The following PDE11A variants were observed in gnomAD, a reference collection of about 807,000 sequenced individuals.
The protein encoded by PDE11A is dual 3',5'-cyclic-AMP and -GMP phosphodiesterase 11A.
Under a neutral mutation model 100.5 loss-of-function variants are expected in PDE11A, and 100 were observed. That is an observed-to-expected ratio of 1.00 (90% CI 0.85 to 1.18). The LOEUF (loss-of-function observed/expected upper bound fraction) is 1.18. PDE11A is among the 50% of genes most tolerant of loss of function. The pLI is 0.00. For missense variants in PDE11A, 1,141 were observed against 1,152.6 expected (o/e 0.99, Z 0.15); for synonymous variants, 381 against 420.8 (o/e 0.91, Z 1.16).
At chr2:177,778,366 T>C (rs1335421343) in intron 9 of PDE11A, among the ~76,000 whole-genome samples, 2 of 152,146 alleles carry the variant, frequency 1.3e-5, no homozygotes, top group Non-Finnish European at 2.9e-5. Flanking sequence ...TGAAATGAGA[T>C]ATGGACCATT....
intron 12 of PDE11A, among the ~76,000 whole-genome samples, chr2:177,722,299 G>A (rs2081541639): frequency 6.6e-6 from 1 of 152,130 alleles, no homozygotes; most frequent in South Asian, 2.1e-4. Flanking sequence ...AAAATACCCA[G>A]CTCTGGCTGA....
In PDE11A at chr2:177,817,881, C is replaced by T; in HGVS notation, c.1621G>A (p.Asp541Asn). 1.3e-6 allele frequency: 2 copies of T among 1,539,560 alleles called. No individual in the cohort carries two copies. The highest frequency in any genetic ancestry group is 2.2e-5 in the South Asian group (2 of 89,504). The stretch of plus-strand genomic sequence containing the variant: ...ACCTCAAAAAGTCGTTGATCTGCAT[C>T]ATCAAAAGGTTTCCCATCAAGTCTG... ...LNRLDGKPFD[D>N]ADQRLFEAFV... The change falls in exon 8 of 20, where the codon GAT (aspartate) becomes AAT (asparagine). Residue 541 changes from aspartate (D) to asparagine (N), a missense_variant. Physicochemically the swap from Asp to Asn is conservative, Grantham distance 23. Coordinates refer to ENST00000286063, the MANE Select transcript of PDE11A (RefSeq NM_016953.4).
chr2:177,773,832 T>A (rs185325357), intron 9 of PDE11A, among the ~76,000 whole-genome samples: 51 of 152,334 alleles, frequency 3.3e-4, no homozygotes, highest in African/African-American at 1.2e-3. Flanking sequence ...GACTGGGCCC[T>A]ATTGCTAAAC....
chr2:177,677,087 A>C (rs2080787642), intron 16 of PDE11A, among the ~76,000 whole-genome samples: 1 of 152,220 alleles, frequency 6.6e-6, no homozygotes, highest in South Asian at 2.1e-4. Context: ...TATTTGTATC[A>C]TAATGTGGAT....
intron 2 of PDE11A, among the ~76,000 whole-genome samples, chr2:178,006,528 C>G (rs572333644): frequency 6.6e-6 from 1 of 152,058 alleles, no homozygotes; most frequent in Non-Finnish European, 1.5e-5. Context: ...AGCCATGACA[C>G]CATGGCAATA....
At chr2:177,835,514 G>A (rs761235068) in intron 6 of PDE11A, among the ~76,000 whole-genome samples, 8 of 152,180 alleles carry the variant, frequency 5.3e-5, no homozygotes, top group Non-Finnish European at 8.8e-5. Context: ...AGGTGACAGC[G>A]TGCTGGCAGC....
At position 177,727,948 on chromosome 2, in the gene PDE11A, T is replaced by C. The variant is rs186368693; in HGVS notation, c.1935+78A>G. On this transcript the variant is annotated intron_variant, in intron 11 of 19. Transcript: ENST00000286063. ...AGGGATTATCATCCCCATTTTGTATTTGGGAAACCAGTGGTTCAGAGTGGC... is the reference window on the plus strand; with the variant it reads ...AGGGATTATCATCCCCATTTTGTATCTGGGAAACCAGTGGTTCAGAGTGGC... 3.6e-3 allele frequency: 4,711 copies of C among 1,296,664 alleles called. 20 individuals carry two copies. Among genetic ancestry groups the C allele is most frequent in the Non-Finnish European group, 4.8e-3 (4,288 of 893,694 alleles). 80.3% of individuals were successfully genotyped at this position (1,296,664 alleles called of 1,614,324 possible).
chr2:177,994,029 C>T (rs13017026), intron 2 of PDE11A, among the ~76,000 whole-genome samples: 8,471 of 151,658 alleles, frequency 0.056, 298 homozygotes, highest in South Asian at 0.092. Flanking sequence ...TCCCCCTCCC[C>T]GAGCGATTCT....
intron 2 of PDE11A, among the ~76,000 whole-genome samples, chr2:177,955,669 G>GTATACAAACTATA (rs1481729118): frequency 6.6e-6 from 1 of 152,058 alleles, no homozygotes; most frequent in Admixed American, 6.6e-5. Context: ...ATACTACAAG[G>GTATACAAACTATA]CTACAGTAAC....
intron 19 of PDE11A, among the ~76,000 whole-genome samples, chr2:177,648,186 C>A (rs2080251728): frequency 6.6e-6 from 1 of 152,048 alleles, no homozygotes; most frequent in Non-Finnish European, 1.5e-5. Context: ...AGGTATATGT[C>A]TGAGGAGGAT....
At chr2:177,722,714 A>C (rs910881719) in intron 12 of PDE11A, among the ~76,000 whole-genome samples, 1 of 152,184 alleles carries the variant, frequency 6.6e-6, no homozygotes, top group Non-Finnish European at 1.5e-5. Flanking sequence ...ACATTTAAAA[A>C]TTACTCCTTT....
intron 16 of PDE11A, among the ~76,000 whole-genome samples, chr2:177,679,203 C>T (rs2080824667): frequency 6.6e-6 from 1 of 151,926 alleles, no homozygotes; most frequent in Non-Finnish European, 1.5e-5. Flanking sequence ...AAGCAGAAAT[C>T]ACATAGTACA....
At chr2:178,080,140 T>A (rs906464657) in intron 2 of PDE11A, among the ~76,000 whole-genome samples, 1 of 152,230 alleles carries the variant, frequency 6.6e-6, no homozygotes, top group Admixed American at 6.5e-5. Context: ...AGAAGCTCTT[T>A]AGCTTAATTA....
intron 10 of PDE11A, among the ~76,000 whole-genome samples, chr2:177,754,350 CA>C (rs1031200906): frequency 6.6e-6 from 1 of 152,060 alleles, no homozygotes. Context: ...AAAAAAAATG[CA>C]AAAACAAAAA....
chr2:177,722,249 G>A (rs76591931), intron 12 of PDE11A, among the ~76,000 whole-genome samples: 1 of 152,160 alleles, frequency 6.6e-6, no homozygotes, highest in Non-Finnish European at 1.5e-5. Context: ...CGTCGGACAT[G>A]ATTATGTTCA....
At chr2:177,763,968 G>A (rs1190128945) in intron 10 of PDE11A, among the ~76,000 whole-genome samples, 1 of 152,222 alleles carries the variant, frequency 6.6e-6, no homozygotes, top group Admixed American at 6.5e-5. Flanking sequence ...AGGGCATAAG[G>A]CAGACACATC....
intron 17 of PDE11A, among the ~76,000 whole-genome samples, chr2:177,673,412 T>C (rs2080716809): frequency 6.6e-6 from 1 of 152,182 alleles, no homozygotes; most frequent in African/African-American, 2.4e-5. Context: ...CCCTGCATGG[T>C]AGAACACCTC....
chr2:177,990,658 A>G (rs1321925419), intron 2 of PDE11A, among the ~76,000 whole-genome samples: 2 of 151,980 alleles, frequency 1.3e-5, no homozygotes, highest in Non-Finnish European at 2.9e-5. Flanking sequence ...GAATTGCTTG[A>G]ACACAGGAAG....
chr2:177,726,660 G>GTT (rs11423127), intron 12 of PDE11A, among the ~76,000 whole-genome samples: 16,189 of 142,758 alleles, frequency 0.11, 1,069 homozygotes, highest in Non-Finnish European at 0.14. Context: ...ATGAGGCAGA[G>GTT]TTTTTTTTTT....
Sources: allele counts gnomAD v4.1 joint callset (sites outside exome capture counted in the v4.1 genomes callset), GRCh38; gene constraint gnomAD v4.1.1; transcripts MANE v1.5; gene names NCBI Gene and HGNC (gene_info 2026-07-23, HGNC 2026-07-21).